Variants in ATL1 observed in about 807,000 individuals in gnomAD.
ATL1 encodes atlastin-1.
In ATL1, 31 loss-of-function variants were observed where a neutral mutation model predicts 75.5. That is an observed-to-expected ratio of 0.41 (90% confidence interval 0.31 to 0.55). The LOEUF (loss-of-function observed/expected upper bound fraction) is 0.55. Among genes scored for constraint, ATL1 ranks in the 20% least tolerant of loss-of-function variants. The probability of loss-of-function intolerance (pLI) is 0.27; values close to 1 mark genes in which losing one functional copy is unlikely to be tolerated. For missense variants in ATL1, 405 were observed against 662.6 expected (o/e 0.61, Z 4.27); for synonymous variants, 226 against 233.3 (o/e 0.97, Z 0.28).
chr14:50,629,585 A>C (rs1037645707), intron 12 of ATL1, among the ~76,000 whole-genome samples: 524 of 148,442 alleles, frequency 3.5e-3, no homozygotes, highest in Non-Finnish European at 5.9e-3. Context: ...CCATCTCCCA[A>C]AAAAAAAAAA....
At position 50,632,731 on chromosome 14, in the gene ATL1, C is replaced by A. The variant is rs138209522; in HGVS notation, c.*392C>A. ...AAAATTTTAAATTATTTCACATTAGCCATTTGTTAAAACACAGCATCATAA... is the reference window on the plus strand; with the variant it reads ...AAAATTTTAAATTATTTCACATTAGACATTTGTTAAAACACAGCATCATAA... On this transcript the variant is annotated 3_prime_UTR_variant, in exon 14 of 14. Coordinates refer to ENST00000358385, the MANE Select transcript of ATL1 (RefSeq NM_015915.5). 1.5e-3 allele frequency: 317 copies of A among 211,456 alleles called. 4 individuals are homozygous for A. Among genetic ancestry groups the A allele is most frequent in the African/African-American group, 7.0e-3 (303 of 43,162 alleles). 13.1% of individuals were successfully genotyped at this position (211,456 alleles called of 1,614,324 possible).
chr14:50,587,610 A>G (rs534508004), intron 1 of ATL1, among the ~76,000 whole-genome samples: 2 of 151,018 alleles, frequency 1.3e-5, no homozygotes, highest in Admixed American at 1.3e-4. Context: ...GGATCTCACT[A>G]TGTTGCCCAG....
chr14:50,604,720 A>G (rs970847238), intron 6 of ATL1, among the ~76,000 whole-genome samples: 2 of 152,252 alleles, frequency 1.3e-5, no homozygotes, highest in Middle Eastern at 3.4e-3. Flanking sequence ...GGAGAAACAC[A>G]ATTATGAAAT....
intron 13 of ATL1, chr14:50,631,122 T>A: frequency 3.7e-6 from 1 of 271,766 alleles, no homozygotes; most frequent in Non-Finnish European, 7.2e-6. Flanking sequence ...TAGCCAGGTG[T>A]GGTGGCAGGC....
At chr14:50,550,601 G>T (rs2038690270) in intron 1 of ATL1, among the ~76,000 whole-genome samples, 1 of 152,186 alleles carries the variant, frequency 6.6e-6, no homozygotes, top group Non-Finnish European at 1.5e-5. Flanking sequence ...TCTGCAGGAA[G>T]GCCTGATTGC....
intron 1 of ATL1, among the ~76,000 whole-genome samples, chr14:50,534,583 T>C (rs2038469020): frequency 2.0e-5 from 3 of 152,236 alleles, no homozygotes. Context: ...AACAAGACCC[T>C]GGAGTGCGGA....
chr14:50,567,068 T>C (rs1196470661), intron 1 of ATL1, among the ~76,000 whole-genome samples: 1 of 152,230 alleles, frequency 6.6e-6, no homozygotes, highest in Admixed American at 6.5e-5. Flanking sequence ...CACCACTGTC[T>C]ATCTCCCGAA....
chr14:50,571,496 T>A lies in ATL1; in HGVS notation c.34+11197T>A, dbSNP rs549819922. Reference sequence around the variant, plus strand: ...TTCATCAGATTAAGACTTCATCAGATTTCTCCTTTATTCATAATTATTAGT... The same window carrying A: ...TTCATCAGATTAAGACTTCATCAGAATTCTCCTTTATTCATAATTATTAGT... On this transcript the variant is annotated intron_variant, in intron 1 of 13. Coordinates refer to ENST00000358385, the MANE Select transcript of ATL1 (RefSeq NM_015915.5). Among the ~76,000 whole-genome samples the A allele has an allele frequency of 5.3e-5, 8 of 152,330 alleles. No individual in the cohort carries two copies. In the South Asian group the frequency reaches 1.7e-3, roughly 32 times the overall value.
chr14:50,580,268 C>T (rs1446007581), intron 1 of ATL1, among the ~76,000 whole-genome samples: 1 of 152,152 alleles, frequency 6.6e-6, no homozygotes, highest in Non-Finnish European at 1.5e-5. Flanking sequence ...TGCGTCTGAA[C>T]ACGGGTTTTC....
chr14:50,618,349 A>G (rs1240332296), intron 8 of ATL1, among the ~76,000 whole-genome samples: 2 of 152,230 alleles, frequency 1.3e-5, no homozygotes, highest in East Asian at 3.8e-4. Context: ...TCAGTATTGT[A>G]GTCCAGTGAA....
intron 6 of ATL1, among the ~76,000 whole-genome samples, chr14:50,597,228 A>G (rs1305011729): frequency 1.3e-5 from 2 of 149,948 alleles, no homozygotes; most frequent in Non-Finnish European, 3.0e-5. Context: ...AACAAAAAAA[A>G]AAAAAGAAAA....
intron 4 of ATL1, among the ~76,000 whole-genome samples, chr14:50,592,927 AAAATAT>A (rs1187677644): frequency 2.0e-5 from 2 of 99,280 alleles, no homozygotes; most frequent in African/African-American, 9.8e-5. Context: ...AAAAAAAAAA[AAAATAT>A]ATATATATAT....
intron 1 of ATL1, among the ~76,000 whole-genome samples, chr14:50,554,870 T>G (rs1383733204): frequency 1.3e-5 from 2 of 152,180 alleles, no homozygotes; most frequent in Admixed American, 1.3e-4. Flanking sequence ...TGGGAGAACA[T>G]TTTTCTATAC....
intron 8 of ATL1, 105 bp from the exon 9 acceptor site, chr14:50,620,494 T>A: frequency 2.5e-6 from 3 of 1,196,492 alleles, no homozygotes; most frequent in African/African-American, 1.5e-5. Flanking sequence ...AGTGATGGCA[T>A]TATCACTGGG....
chr14:50,538,605 A>G (rs1249627034), intron 1 of ATL1, among the ~76,000 whole-genome samples: 1 of 152,172 alleles, frequency 6.6e-6, no homozygotes, highest in Non-Finnish European at 1.5e-5. Flanking sequence ...GTTTGCCCAC[A>G]CCTCATGTAG....
intron 2 of ATL1, among the ~76,000 whole-genome samples, chr14:50,588,814 G>T (rs1336435625): frequency 6.6e-6 from 1 of 152,126 alleles, no homozygotes; most frequent in African/African-American, 2.4e-5. Context: ...ATATCTCAAT[G>T]TAGATCATTG....
At chr14:50,627,781 GATAA>G (rs1300365361) in intron 11 of ATL1, among the ~76,000 whole-genome samples, 4 of 152,068 alleles carry the variant, frequency 2.6e-5, no homozygotes, top group African/African-American at 4.8e-5. Context: ...TGGATTAAGT[GATAA>G]ATATTATTTT....
chr14:50,618,127 G>A (rs1333582236), intron 8 of ATL1, among the ~76,000 whole-genome samples: 1 of 152,122 alleles, frequency 6.6e-6, no homozygotes, highest in Non-Finnish European at 1.5e-5. Flanking sequence ...TACAAGTTCT[G>A]AAAGTGATTT....
intron 6 of ATL1, among the ~76,000 whole-genome samples, chr14:50,600,130 T>C (rs2039258459): frequency 1.3e-5 from 2 of 152,024 alleles, no homozygotes; most frequent in Non-Finnish European, 2.9e-5. Context: ...AGAAAGGGAC[T>C]TTAGGTCTTA....
Sources: gnomAD v4.1 joint callset for allele counts (sites outside exome capture counted in the v4.1 genomes callset) on GRCh38, gnomAD v4.1.1 for gene constraint, MANE v1.5 for transcripts, NCBI Gene and HGNC (gene_info 2026-07-23, HGNC 2026-07-21) for gene names.